The following ETNK1 variants were observed in gnomAD, a reference collection of about 807,000 sequenced individuals.
ETNK1 encodes the protein ethanolamine kinase 1, also known as putative protein product of Nbla10396.
A neutral mutation model predicts 45.1 loss-of-function variants in ETNK1; 8 were observed. The ratio of observed to expected loss-of-function variants is 0.18; its 90% CI spans 0.10 to 0.32. ETNK1 has a LOEUF of 0.32. Ranked by LOEUF, ETNK1 falls within the 10% of genes least tolerant of loss-of-function variation. The pLI is 1.00. For missense variants in ETNK1, 302 were observed against 430.6 expected, an observed-to-expected ratio of 0.70 and a Z score of 2.64; for synonymous variants, 152 against 151.9, an observed-to-expected ratio of 1.00 and a Z score of -0.01.
At position 22,685,100 on chromosome 12, in the gene ETNK1, A is replaced by G; in HGVS notation, c.*146A>G. 3 of 561,510 alleles carry G rather than the reference A, an allele frequency of 5.3e-6. No individual in the cohort carries two copies. The highest frequency in any genetic ancestry group is 7.2e-5 in the Admixed American group (2 of 27,784). The allele number at this position is 561,510 out of a possible 1,614,324, so 34.8% of individuals were successfully genotyped here. ...ATTATGCCTCTAAACAATCAAATCTATTTTTGAAATAGACTGAATGATGTC... is the reference window on the plus strand; with the variant it reads ...ATTATGCCTCTAAACAATCAAATCTGTTTTTGAAATAGACTGAATGATGTC... On this transcript the variant is annotated 3_prime_UTR_variant, in exon 8 of 8. Coordinates refer to ENST00000266517, the MANE Select transcript of ETNK1 (RefSeq NM_018638.5).
chr12:22,673,975 A>G (rs1460261811), intron 6 of ETNK1, among the ~76,000 whole-genome samples: 1 of 152,158 alleles, frequency 6.6e-6, no homozygotes, highest in Non-Finnish European at 1.5e-5. Flanking sequence ...TTCTTAGTCT[A>G]TTCCTTTCTT....
chr12:22,653,864 G>A (rs1321996656), intron 2 of ETNK1, among the ~76,000 whole-genome samples: 1 of 152,144 alleles, frequency 6.6e-6, no homozygotes, highest in Non-Finnish European at 1.5e-5. Context: ...TCTTCACAGA[G>A]CCTAGTTTTT....
At position 22,673,611 on chromosome 12, in the gene ETNK1, C is replaced by T. The variant is rs1383695446; in HGVS notation, c.896C>T (p.Thr299Ile). ...KEFKGFGTEV[T>I]EKEVEILFIQ... ...TTTAAGGGCTTTGGGACTGAAGTTA[C>T]TGAAAAGGAGGTAGAAATACTCTTC... The change falls in exon 6 of 8, where the codon ACT becomes ATT. Residue 299 changes from threonine (T) to isoleucine (I), a missense_variant. Around this residue, in one of 3 missense-constraint regions of ETNK1, gnomAD observed 94 missense variants for 152.9 expected, o/e 0.61. Coordinates refer to ENST00000266517, the MANE Select transcript of ETNK1 (RefSeq NM_018638.5). The T allele has an allele frequency of 6.2e-7, 1 of 1,613,868 alleles. No individual in the cohort carries two copies. Among genetic ancestry groups the T allele is most frequent in the East Asian group, 2.2e-5 (1 of 44,838 alleles).
intron 4 of ETNK1, among the ~76,000 whole-genome samples, chr12:22,664,273 C>G (rs1245905791): frequency 6.6e-6 from 1 of 151,760 alleles, no homozygotes; most frequent in African/African-American, 2.4e-5. Context: ...TATAATATAA[C>G]TAGTAGGTAT....
In ETNK1 at chr12:22,643,870, C is replaced by T. The variant is rs117802803; in HGVS notation, c.264C>T (p.Val88=). 0.029 allele frequency: 46,115 copies of T among 1,613,272 alleles called. 824 individuals are homozygous for T. Among genetic ancestry groups the T allele is most frequent in the Non-Finnish European group, 0.032 (37,568 of 1,179,466 alleles). The change falls in exon 2 of 8, where the codon GTC becomes GTT. Residue 88 remains valine (V), a synonymous_variant. Coordinates refer to ENST00000266517, the MANE Select transcript of ETNK1 (RefSeq NM_018638.5). ...ATGGCAATAAGACTGAGTTATTAGT[C>T]GATCGAGATGAGGAAGTAAAGAGTT... ...RIYGNKTELL[V]DRDEEVKSFR... is the part of the protein sequence containing the mutation.
Position 22,632,078 on chromosome 12 carries a change from AT to A in ETNK1, c.156+6504del, listed in dbSNP as rs34533040. The stretch of plus-strand genomic sequence containing the variant: ...CCTCTAGTGGTAATCTTAATAGCAG[AT>A]TTTTTTTTTTTCTAATTAACAAAAT... On this transcript the variant is annotated intron_variant, in intron 1 of 7. Transcript: ENST00000266517. Among the ~76,000 whole-genome samples the A allele has an allele frequency of 1.0e-3, 152 of 148,650 alleles. 1 individual carries two copies. In the East Asian group the frequency reaches 0.011, roughly 11 times the overall value.
At chr12:22,652,587 T>C (rs1041239382) in intron 2 of ETNK1, among the ~76,000 whole-genome samples, 1 of 152,238 alleles carries the variant, frequency 6.6e-6, no homozygotes, top group African/African-American at 2.4e-5. Flanking sequence ...GATTTGCGTT[T>C]GCCTAATGAG....
intron 4 of ETNK1, among the ~76,000 whole-genome samples, chr12:22,670,510 A>G (rs1954097490): frequency 6.6e-6 from 1 of 152,166 alleles, no homozygotes; most frequent in Admixed American, 6.5e-5. Context: ...TGAAAGAACT[A>G]GATTATCTTT....
chr12:22,680,018 T>G (rs1954200015), intron 6 of ETNK1, among the ~76,000 whole-genome samples: 1 of 151,620 alleles, frequency 6.6e-6, no homozygotes, highest in Non-Finnish European at 1.5e-5. Flanking sequence ...GAGGAATACA[T>G]ACATCATTTT....
At chr12:22,642,799 C>T (rs574214127) in intron 1 of ETNK1, among the ~76,000 whole-genome samples, 1 of 151,866 alleles carries the variant, frequency 6.6e-6, no homozygotes, top group South Asian at 2.1e-4. Context: ...TTCCTTTGTT[C>T]CACTTGGGAG....
intron 2 of ETNK1, among the ~76,000 whole-genome samples, chr12:22,649,232 T>G: frequency 6.6e-6 from 1 of 152,114 alleles, no homozygotes; most frequent in East Asian, 1.9e-4. Flanking sequence ...AAGTCCAGCT[T>G]ATCTGTTCTT....
At chr12:22,641,059 G>T (rs551615186) in intron 1 of ETNK1, among the ~76,000 whole-genome samples, 2 of 151,312 alleles carry the variant, frequency 1.3e-5, no homozygotes, top group East Asian at 4.1e-4. Flanking sequence ...ACAATGCAAA[G>T]GTAAGAAGTA....
chr12:22,639,131 G>A (rs1264077687), intron 1 of ETNK1, among the ~76,000 whole-genome samples: 1 of 152,066 alleles, frequency 6.6e-6, no homozygotes, highest in Non-Finnish European at 1.5e-5. Context: ...ACTATTTATT[G>A]GTGGGGCGTT....
chr12:22,636,330 A>G (rs1293205992), intron 1 of ETNK1, among the ~76,000 whole-genome samples: 1 of 152,164 alleles, frequency 6.6e-6, no homozygotes, highest in African/African-American at 2.4e-5. Context: ...TATAAGCATT[A>G]AAAAAATTAA....
chr12:22,654,127 C>T (rs1320020362), intron 2 of ETNK1, among the ~76,000 whole-genome samples: 1 of 152,156 alleles, frequency 6.6e-6, no homozygotes, highest in Non-Finnish European at 1.5e-5. Context: ...AATTTACTTG[C>T]CCCTTCTACC....
chr12:22,684,436 G>T (rs1954241379), intron 6 of ETNK1, 47 bp from the exon 7 acceptor site: 1 of 1,337,498 alleles, frequency 7.5e-7, no homozygotes, highest in African/African-American at 1.4e-5. Flanking sequence ...GTGTTTTACA[G>T]AGAAATTCAT....
intron 2 of ETNK1, 45 bp downstream of exon 2, chr12:22,644,067 T>C (rs370436570): frequency 1.8e-5 from 27 of 1,534,808 alleles, no homozygotes; most frequent in Non-Finnish European, 2.3e-5. Context: ...AATAGGGCAT[T>C]TAAGTGCATT....
Position 22,666,860 on chromosome 12 carries a change from T to C in ETNK1, c.701-4412T>C, listed in dbSNP as rs560344994. ...GTCCCCATAGTCACTTGTTTGGCTC[T>C]AAATCTTATCCATTCTATTATTACT... On this transcript the variant is annotated intron_variant, in intron 4 of 7. Coordinates refer to ENST00000266517, the MANE Select transcript of ETNK1 (RefSeq NM_018638.5). Among the ~76,000 whole-genome samples the C allele has an allele frequency of 2.0e-5, 3 of 152,336 alleles. No individual in the cohort carries two copies. In the South Asian group the frequency reaches 6.2e-4, roughly 32 times the overall value.
chr12:22,663,923 G>A (rs898992845), intron 4 of ETNK1, among the ~76,000 whole-genome samples: 9 of 151,426 alleles, frequency 5.9e-5, no homozygotes, highest in Admixed American at 3.3e-4. Context: ...CATAGTATCC[G>A]TTTAAAAGAG....
Sources: allele counts gnomAD v4.1 joint callset (sites outside exome capture counted in the v4.1 genomes callset), GRCh38; gene constraint gnomAD v4.1.1; regional missense constraint gnomAD v4.1.1; transcripts MANE v1.5; gene names NCBI Gene and HGNC (gene_info 2026-07-23, HGNC 2026-07-21).